The following BCL2 variants were observed in gnomAD, a reference collection of about 807,000 sequenced individuals.
The protein encoded by BCL2 is BCL2 apoptosis regulator, also known as apoptosis regulator Bcl-2.
Under a neutral mutation model 14.2 loss-of-function variants are expected in BCL2, and 1 was observed. The ratio of observed to expected loss-of-function variants is 0.07; its 90% CI spans 0.02 to 0.33. The LOEUF is 0.33. Among genes scored for constraint, BCL2 ranks in the 10% least tolerant of loss-of-function variants. BCL2 has a pLI of 0.99. For missense variants in BCL2, 247 were observed against 305.9 expected (o/e 0.81, Z 1.44); for synonymous variants, 151 against 137.2 (o/e 1.10, Z -0.70).
chr18:63,132,378 T>C (rs749499728), intron 2 of BCL2, among the ~76,000 whole-genome samples: 7 of 152,234 alleles, frequency 4.6e-5, no homozygotes, highest in Non-Finnish European at 1.0e-4. Flanking sequence ...CTACTCAACC[T>C]GCCCTTCCCC....
chr18:63,246,000 G>A (rs1911141703), intron 2 of BCL2, among the ~76,000 whole-genome samples: 1 of 152,112 alleles, frequency 6.6e-6, no homozygotes, highest in African/African-American at 2.4e-5. Context: ...TCTGTGAAAG[G>A]TATCCTTTGT....
At chr18:63,285,557 TC>T (rs1568258128) in intron 2 of BCL2, among the ~76,000 whole-genome samples, 1 of 152,184 alleles carries the variant, frequency 6.6e-6, no homozygotes, top group Non-Finnish European at 1.5e-5. Context: ...ATGAGATGGG[TC>T]ACTGCCGGGG....
chr18:63,298,859 G>T (rs1416149321), intron 2 of BCL2, among the ~76,000 whole-genome samples: 1 of 152,094 alleles, frequency 6.6e-6, no homozygotes, highest in Non-Finnish European at 1.5e-5. Context: ...CACCACTTAG[G>T]TTTGCCCCGA....
chr18:63,171,164 G>C (rs1915212143), intron 2 of BCL2, among the ~76,000 whole-genome samples: 1 of 152,114 alleles, frequency 6.6e-6, no homozygotes, highest in South Asian at 2.1e-4. Flanking sequence ...TGTGATACGT[G>C]TCCATCATTT....
chr18:63,276,354 C>A (rs375211566), intron 2 of BCL2, among the ~76,000 whole-genome samples: 1 of 126,584 alleles, frequency 7.9e-6, no homozygotes, highest in Non-Finnish European at 1.8e-5. Context: ...CTTGAAAAAG[C>A]ATCTGGAAAT....
At chr18:63,284,422 G>A (rs1912405444) in intron 2 of BCL2, among the ~76,000 whole-genome samples, 1 of 152,204 alleles carries the variant, frequency 6.6e-6, no homozygotes, top group Non-Finnish European at 1.5e-5. Context: ...AAGTGTGTGT[G>A]CTAAGCACAG....
intron 2 of BCL2, among the ~76,000 whole-genome samples, chr18:63,298,843 T>A (rs1316155000): frequency 6.6e-6 from 1 of 152,182 alleles, no homozygotes; most frequent in Non-Finnish European, 1.5e-5. Context: ...CTTCTCTGCA[T>A]CCTGCCACCA....
chr18:63,288,315 C>T (rs1234821540), intron 2 of BCL2, among the ~76,000 whole-genome samples: 1 of 152,208 alleles, frequency 6.6e-6, no homozygotes, highest in African/African-American at 2.4e-5. Context: ...ATTTTAGGCA[C>T]ATTATCCATT....
At chr18:63,305,691 A>G (rs1235985372) in intron 2 of BCL2, among the ~76,000 whole-genome samples, 1 of 152,196 alleles carries the variant, frequency 6.6e-6, no homozygotes, top group Non-Finnish European at 1.5e-5. Flanking sequence ...ATTAACTGAT[A>G]GTTAATAAAG....
At chr18:63,155,263 C>T (rs557263029) in intron 2 of BCL2, among the ~76,000 whole-genome samples, 1 of 152,276 alleles carries the variant, frequency 6.6e-6, no homozygotes, top group Non-Finnish European at 1.5e-5. Context: ...CTGAGAAAGG[C>T]TCGGGACAGC....
chr18:63,270,459 T>C (rs563454994), intron 2 of BCL2, among the ~76,000 whole-genome samples: 2 of 152,322 alleles, frequency 1.3e-5, no homozygotes, highest in South Asian at 4.1e-4. Context: ...AAAAGGTATA[T>C]GCAGAACAGC....
chr18:63,308,886 G>A (rs1913222330), intron 2 of BCL2, among the ~76,000 whole-genome samples: 1 of 152,154 alleles, frequency 6.6e-6, no homozygotes, highest in South Asian at 2.1e-4. Flanking sequence ...GTCATTGTGT[G>A]TGCCTATTAC....
chr18:63,239,998 T>C (rs6567332), intron 2 of BCL2, among the ~76,000 whole-genome samples: 113,104 of 152,050 alleles, frequency 0.74, 44,047 homozygotes, highest in Non-Finnish European at 0.86. Context: ...ATTTTTTGTT[T>C]GTTTGTTTTA....
chr18:63,129,842 G>T (rs1430380775), intron 2 of BCL2, among the ~76,000 whole-genome samples: 1 of 152,140 alleles, frequency 6.6e-6, no homozygotes, highest in Non-Finnish European at 1.5e-5. Context: ...CTAAGGTCAA[G>T]GTTCTCCTGG....
At chr18:63,264,828 C>T (rs17070943) in intron 2 of BCL2, among the ~76,000 whole-genome samples, 4,404 of 152,342 alleles carry the variant, frequency 0.029, 121 homozygotes, top group African/African-American at 0.071. Flanking sequence ...AAACCTCTTA[C>T]TTCTCCTAAC....
intron 2 of BCL2, among the ~76,000 whole-genome samples, chr18:63,236,585 A>G (rs1910837059): frequency 6.6e-6 from 1 of 152,238 alleles, no homozygotes; most frequent in Non-Finnish European, 1.5e-5. Context: ...AGTTTGAGGA[A>G]CACAATGACA....
intron 2 of BCL2, among the ~76,000 whole-genome samples, chr18:63,209,173 G>A (rs1055013043): frequency 3.3e-5 from 5 of 152,156 alleles, no homozygotes; most frequent in South Asian, 2.1e-4. Context: ...AAGGAGACCC[G>A]GCCTCCTCTT....
chr18:63,170,831 TG>T (rs1356287227), intron 2 of BCL2, among the ~76,000 whole-genome samples: 2 of 152,264 alleles, frequency 1.3e-5, no homozygotes, highest in Non-Finnish European at 2.9e-5. Flanking sequence ...GGACGGTCAC[TG>T]GGCTCACAAG....
chr18:63,127,740 A>C lies in BCL2; in HGVS notation c.*885T>G. Reference sequence around the variant, plus strand: ...TGATGCGGAAGTCACCGAAATGTTCACTTCCTCAAGTTCCAGAGGATTCTG... The same window carrying C: ...TGATGCGGAAGTCACCGAAATGTTCCCTTCCTCAAGTTCCAGAGGATTCTG... On this transcript the variant is annotated 3_prime_UTR_variant, in exon 3 of 3. Coordinates refer to ENST00000333681, the MANE Select transcript of BCL2 (RefSeq NM_000633.3). The C allele has an allele frequency of 4.4e-6, 1 of 225,426 alleles. No individual in the cohort carries two copies. Among genetic ancestry groups the C allele is most frequent in the Non-Finnish European group, 8.8e-6 (1 of 113,058 alleles). 14.0% of individuals were successfully genotyped at this position (225,426 alleles called of 1,614,324 possible). A position where few individuals can be genotyped will look rare whatever the true frequency, so the allele number is the denominator to read the frequency against.
Sources: allele counts gnomAD v4.1 joint callset (sites outside exome capture counted in the v4.1 genomes callset), GRCh38; gene constraint gnomAD v4.1.1; transcripts MANE v1.5; gene names NCBI Gene and HGNC (gene_info 2026-07-23, HGNC 2026-07-21).